Variants in GPLD1 observed in about 807,000 individuals in gnomAD.
GPLD1 encodes the protein glycosylphosphatidylinositol specific phospholipase D1, also known as phosphatidylinositol-glycan-specific phospholipase D.
Under a neutral mutation model 112.6 loss-of-function variants are expected in GPLD1, and 84 were observed. That is an observed-to-expected ratio of 0.75 (90% CI 0.63 to 0.89). The LOEUF is 0.89. Among genes scored for constraint, GPLD1 ranks in the 40% least tolerant of loss-of-function variants. The pLI is 0.00. For missense variants in GPLD1, 1,044 were observed against 1,051.5 expected, an observed-to-expected ratio of 0.99 and a Z score of 0.10; for synonymous variants, 386 against 403.8, an observed-to-expected ratio of 0.96 and a Z score of 0.53.
intron 21 of GPLD1, 82 bp downstream of exon 21, chr6:24,437,031 G>A (rs1269675979): frequency 2.4e-6 from 3 of 1,237,244 alleles, no homozygotes; most frequent in Non-Finnish European, 3.5e-6. Context: ...TATAAGGGCA[G>A]AGCCCAGATG....
chr6:24,480,581 G>A (rs1480908322), intron 2 of GPLD1, among the ~76,000 whole-genome samples: 15 of 152,060 alleles, frequency 9.9e-5, no homozygotes, highest in Admixed American at 7.2e-4. Flanking sequence ...AAACAAGCAC[G>A]CACATATGTG....
intron 22 of GPLD1, chr6:24,435,817 G>A (rs1772255): frequency 2.9e-5 from 3 of 103,666 alleles, no homozygotes; most frequent in Non-Finnish European, 5.6e-5. Flanking sequence ...AGAGCCAGAC[G>A]CTGTCTCAAA....
chr6:24,453,916 A>C, intron 14 of GPLD1, 99 bp downstream of exon 14: 2 of 764,698 alleles, frequency 2.6e-6, no homozygotes, highest in Admixed American at 4.7e-5. Flanking sequence ...TTGTTACTGT[A>C]ATTATTCTTG....
Position 24,466,578 on chromosome 6 carries a change from G to T in GPLD1, c.821+102C>A, listed in dbSNP as rs1458615264. On this transcript the variant is annotated intron_variant, in intron 10 of 24. Coordinates refer to ENST00000230036, the MANE Select transcript of GPLD1 (RefSeq NM_001503.4). The stretch of plus-strand genomic sequence containing the variant: ...GAAAAGCACTTCATGAGATTGTTTT[G>T]TTTTGTTTTTATGTGATCAGTTGAA... The T allele has an allele frequency of 5.6e-6, 5 of 887,676 alleles. No individual in the cohort carries two copies. In the African/African-American group the frequency reaches 6.7e-5, roughly 12 times the overall value. 55.0% of individuals were successfully genotyped at this position (887,676 alleles called of 1,614,324 possible). A position where few individuals can be genotyped will look rare whatever the true frequency, so the allele number is the denominator to read the frequency against.
At chr6:24,440,554 A>G (rs1280334296) in intron 20 of GPLD1, among the ~76,000 whole-genome samples, 1 of 147,848 alleles carries the variant, frequency 6.8e-6, no homozygotes, top group Non-Finnish European at 1.5e-5. Flanking sequence ...TTTATATTTG[A>G]TCATTATCAA....
downstream of GPLD1, chr6:24,425,368 T>C (rs557624290): frequency 2.6e-5 from 4 of 152,190 alleles, no homozygotes; most frequent in Non-Finnish European, 2.9e-5. Flanking sequence ...GTTTATGAGC[T>C]TGGATAAAAT....
chr6:24,494,785 C>A (rs1764647554), intron 1 of GPLD1: 2 of 481,438 alleles, frequency 4.2e-6, no homozygotes, highest in South Asian at 2.2e-4. Context: ...CCGCGCGGCG[C>A]TTAGGGCAAG....
At chr6:24,492,527 A>G (rs1279188090), upstream of GPLD1, among the ~76,000 whole-genome samples, 3 of 132,988 alleles carry the variant, frequency 2.3e-5, no homozygotes, top group African/African-American at 5.5e-5. Flanking sequence ...AAAAAAAAAA[A>G]GTGAAAGAAA....
At chr6:24,447,720 C>T (rs1199843800) in intron 17 of GPLD1, 157 bp downstream of exon 17, 1 of 721,372 alleles carries the variant, frequency 1.4e-6, no homozygotes. Context: ...AATCTATGCA[C>T]ATCACTTGCC....
Position 24,475,213 on chromosome 6 carries a change from C to G in GPLD1, c.349G>C (p.Ala117Pro). ...PWEKDTEKLV[A>P]FLFGITSHMA... The stretch of plus-strand genomic sequence containing the variant: ...TGAGAAGTAATTCCAAACAAGAAAG[C>G]TACCAGTTTCTCTGTGTCCTGCCAA... The change falls in exon 5 of 25, where the codon GCT (alanine) becomes CCT (proline). Residue 117 changes from alanine (A) to proline (P), a missense_variant. Physicochemically the swap from Ala to Pro is conservative, Grantham distance 27. Coordinates refer to ENST00000230036, the MANE Select transcript of GPLD1 (RefSeq NM_001503.4). 6.2e-7 allele frequency: 1 copy of G among 1,603,786 alleles called. No homozygotes were observed. The highest frequency in any genetic ancestry group is 8.5e-7 in the Non-Finnish European group (1 of 1,170,588).
intron 20 of GPLD1, among the ~76,000 whole-genome samples, 198 bp from the exon 21 acceptor site, chr6:24,437,487 T>A (rs891018863): frequency 6.6e-6 from 1 of 152,176 alleles, no homozygotes; most frequent in African/African-American, 2.4e-5. Flanking sequence ...CTTCAGTGAT[T>A]TCCCTCCAGG....
rs565449927 is a variant in GPLD1, at chr6:24,478,306, G to C, written c.232+1575C>G. ...AAATGATAGTTAACAGACTAAGAGG[G>C]AAACAGAACAAAACTCCTTATAAAT... On this transcript the variant is annotated intron_variant, in intron 3 of 24. Transcript: ENST00000230036. Among the ~76,000 whole-genome samples, 5 of 152,276 alleles carry C rather than the reference G, an allele frequency of 3.3e-5. No individual in the cohort carries two copies. The South Asian group carries it at 8.3e-4, about 25-fold the overall frequency.
At chr6:24,493,048 G>A (rs578010013), upstream of GPLD1, among the ~76,000 whole-genome samples, 17 of 152,264 alleles carry the variant, frequency 1.1e-4, no homozygotes, top group African/African-American at 3.9e-4. Context: ...TAATGGATAA[G>A]TCATCTGGGA....
intron 3 of GPLD1, among the ~76,000 whole-genome samples, chr6:24,478,208 T>C (rs745797069): frequency 1.3e-5 from 2 of 152,168 alleles, no homozygotes; most frequent in Non-Finnish European, 2.9e-5. Context: ...GAATACAGTT[T>C]GGGAAGTGCT....
intron 15 of GPLD1, among the ~76,000 whole-genome samples, 193 bp downstream of exon 15, chr6:24,449,596 C>T (rs1763015638): frequency 6.6e-6 from 1 of 152,218 alleles, no homozygotes; most frequent in African/African-American, 2.4e-5. Flanking sequence ...AGGGAGGCAG[C>T]AGCAGGTGCT....
rs71002496 is a variant in GPLD1, at chr6:24,442,422, A to ATT, written c.2020+3122_2020+3123dup. Reference sequence around the variant, plus strand: ...AGGTGCATGCCACCACATCTGGCTAATTTTTTTTTTTTTTTTTTTTTTTTT... The same window carrying ATT: ...AGGTGCATGCCACCACATCTGGCTAATTTTTTTTTTTTTTTTTTTTTTTTTTT... On this transcript the variant is annotated intron_variant, in intron 20 of 24. Transcript: ENST00000230036. Among the ~76,000 whole-genome samples, 35 of 60,634 alleles carry ATT rather than the reference A, an allele frequency of 5.8e-4. 2 individuals are homozygous for ATT. Among genetic ancestry groups the ATT allele is most frequent in the East Asian group, 5.2e-3 (9 of 1,744 alleles). The allele number at this position is 60,634 out of a possible 152,430, so 39.8% of individuals were successfully genotyped here.
intron 17 of GPLD1, among the ~76,000 whole-genome samples, chr6:24,447,256 A>G (rs550981483): frequency 1.3e-4 from 20 of 152,302 alleles, no homozygotes; most frequent in Non-Finnish European, 2.6e-4. Flanking sequence ...CTGTAATCCC[A>G]GCACTTTGGG....
chr6:24,432,393 T>G (rs1762433466), intron 24 of GPLD1, among the ~76,000 whole-genome samples: 2 of 151,116 alleles, frequency 1.3e-5, no homozygotes, highest in African/African-American at 4.9e-5. Context: ...AGGCCAGGAG[T>G]TTGAGACCAG....
intron 2 of GPLD1, among the ~76,000 whole-genome samples, chr6:24,481,873 T>G (rs1403443900): frequency 6.6e-6 from 1 of 152,200 alleles, no homozygotes; most frequent in Non-Finnish European, 1.5e-5. Context: ...TTAAAAATAG[T>G]AATTAACTTT....
Sources: allele counts gnomAD v4.1 joint callset (sites outside exome capture counted in the v4.1 genomes callset), GRCh38; gene constraint gnomAD v4.1.1; transcripts MANE v1.5; gene names NCBI Gene and HGNC (gene_info 2026-07-23, HGNC 2026-07-21).